BCR: variants seen among roughly 807,000 people sequenced by gnomAD.
The protein encoded by BCR is BCR activator of RhoGEF and GTPase.
In BCR, 58 loss-of-function variants were observed where a neutral mutation model predicts 138.6. The ratio of observed to expected loss-of-function variants is 0.42; its 90% CI spans 0.34 to 0.52. The LOEUF (loss-of-function observed/expected upper bound fraction) is 0.52. Ranked by LOEUF, BCR falls within the 20% of genes least tolerant of loss-of-function variation. BCR has a pLI of 0.06. For synonymous variants in BCR, 786 were observed against 730.1 expected (o/e 1.08, Z -1.23); for missense variants, 1,599 against 1,727.2 (o/e 0.93, Z 1.32).
At chr22:23,300,746 G>C (rs1406316493) in intron 16 of BCR, among the ~76,000 whole-genome samples, 1 of 152,184 alleles carries the variant, frequency 6.6e-6, no homozygotes, top group African/African-American at 2.4e-5. Context: ...AACCCAGGCT[G>C]GCAGAGAAGT....
chr22:23,280,478 C>A (rs2146296038), intron 8 of BCR, among the ~76,000 whole-genome samples: 1 of 152,336 alleles, frequency 6.6e-6, no homozygotes, highest in South Asian at 2.1e-4. Context: ...CTGTGACTGT[C>A]ACATTCCCAC....
chr22:23,241,154 C>T (rs2073085638), intron 1 of BCR, among the ~76,000 whole-genome samples: 1 of 152,220 alleles, frequency 6.6e-6, no homozygotes, highest in Non-Finnish European at 1.5e-5. Flanking sequence ...GAATGTGCAC[C>T]TCCTCTCCTA....
chr22:23,301,722 A>G lies in BCR; in HGVS notation c.3012+6567A>G, dbSNP rs116382534. 5.0e-3 allele frequency among the ~76,000 whole-genome samples: 760 copies of G among 152,266 alleles called. 5 individuals carry two copies. Among genetic ancestry groups the G allele is most frequent in the African/African-American group, 0.017 (718 of 41,550 alleles). ...CTTTCCAGCTTCTCTGATCTAGACC[A>G]TGAAGGCTGGGGAGAGGGGTCTTCT... On this transcript the variant is annotated intron_variant, in intron 16 of 22. Coordinates refer to ENST00000305877, the MANE Select transcript of BCR (RefSeq NM_004327.4).
intron 1 of BCR, among the ~76,000 whole-genome samples, chr22:23,193,365 C>G (rs1045333283): frequency 4.6e-5 from 7 of 152,246 alleles, no homozygotes; most frequent in Admixed American, 3.3e-4. Context: ...AGAGGGTGAC[C>G]CTTCCCCTTG....
intron 8 of BCR, among the ~76,000 whole-genome samples, chr22:23,278,589 T>C (rs2073606212): frequency 6.6e-6 from 1 of 152,068 alleles, no homozygotes. Context: ...TAGCCAGGCA[T>C]GGTGGCAGGT....
At chr22:23,297,784 A>G (rs73152664) in intron 16 of BCR, among the ~76,000 whole-genome samples, 18,482 of 152,176 alleles carry the variant, frequency 0.12, 1,408 homozygotes, top group African/African-American at 0.21. Flanking sequence ...TTGAACCAGG[A>G]CCTCTGAGTA....
At chr22:23,277,894 C>T (rs2073597851) in intron 8 of BCR, among the ~76,000 whole-genome samples, 1 of 152,194 alleles carries the variant, frequency 6.6e-6, no homozygotes, top group Non-Finnish European at 1.5e-5. Flanking sequence ...GGTGCTCCAG[C>T]TTCCTGGCAT....
At chr22:23,224,830 C>T (rs374913947) in intron 1 of BCR, among the ~76,000 whole-genome samples, 29 of 152,154 alleles carry the variant, frequency 1.9e-4, no homozygotes, top group South Asian at 1.9e-3. Flanking sequence ...TGCAGTAAGC[C>T]GAGATCACGC....
At chr22:23,313,344 C>A (rs1197480063) in intron 20 of BCR, among the ~76,000 whole-genome samples, 1 of 152,212 alleles carries the variant, frequency 6.6e-6, no homozygotes, top group African/African-American at 2.4e-5. Context: ...GGTGCTCTTG[C>A]CATGGGTCCT....
rs140545746 is a variant in BCR, at chr22:23,305,226, G to A, written c.3013-4198G>A. Among the ~76,000 whole-genome samples, 274 of 147,484 alleles carry A rather than the reference G, an allele frequency of 1.9e-3. 4 individuals carry two copies. Among genetic ancestry groups the A allele is most frequent in the African/African-American group, 6.6e-3 (258 of 39,240 alleles). ...TGGTGAACACAGAGGTTCTCTGGTG[G>A]TCTCAGCAAAGACCCACCCCCGGGA... On this transcript the variant is annotated intron_variant, in intron 16 of 22. Coordinates refer to ENST00000305877, the MANE Select transcript of BCR (RefSeq NM_004327.4).
chr22:23,275,896 G>A (rs1474169573), intron 8 of BCR, among the ~76,000 whole-genome samples: 2 of 152,186 alleles, frequency 1.3e-5, no homozygotes, highest in Non-Finnish European at 2.9e-5. Flanking sequence ...TGCAACTGCA[G>A]CTGCCATTTA....
intron 8 of BCR, among the ~76,000 whole-genome samples, chr22:23,277,062 C>A (rs1568969032): frequency 6.6e-6 from 1 of 152,208 alleles, no homozygotes; most frequent in South Asian, 2.1e-4. Flanking sequence ...ACGACACTAG[C>A]CAGGAAAGGG....
At chr22:23,279,896 G>T (rs1300656233) in intron 8 of BCR, among the ~76,000 whole-genome samples, 4 of 152,210 alleles carry the variant, frequency 2.6e-5, no homozygotes, top group Non-Finnish European at 4.4e-5. Context: ...TGGAGATCCG[G>T]CAGGGTGCCA....
At chr22:23,292,808 T>C (rs1251503483) in intron 15 of BCR, among the ~76,000 whole-genome samples, 170 bp downstream of exon 15, 2 of 152,214 alleles carry the variant, frequency 1.3e-5, no homozygotes, top group Non-Finnish European at 2.9e-5. Context: ...CAAGAGATTT[T>C]ATCTCCTTGT....
chr22:23,206,460 C>A (rs2072614949), intron 1 of BCR, among the ~76,000 whole-genome samples: 1 of 151,932 alleles, frequency 6.6e-6, no homozygotes, highest in East Asian at 1.9e-4. Flanking sequence ...ACCTGTAATC[C>A]CAGCTACTCG....
At chr22:23,266,512 C>G (rs2073443008) in intron 4 of BCR, among the ~76,000 whole-genome samples, 1 of 152,160 alleles carries the variant, frequency 6.6e-6, no homozygotes, top group East Asian at 1.9e-4. Flanking sequence ...GTCTCAGCCT[C>G]CCGAGTGGCT....
chr22:23,272,689 G>A (rs1568966617), intron 6 of BCR, among the ~76,000 whole-genome samples: 1 of 152,168 alleles, frequency 6.6e-6, no homozygotes, highest in African/African-American at 2.4e-5. Flanking sequence ...GATGGTAAGA[G>A]CAGCTAAGAG....
In BCR at chr22:23,248,522, T is replaced by G. The variant is rs114308664; in HGVS notation, c.1280-5277T>G. Among the ~76,000 whole-genome samples the G allele has an allele frequency of 5.6e-3, 854 of 152,202 alleles. 10 individuals are homozygous for G. Among genetic ancestry groups the G allele is most frequent in the African/African-American group, 0.02 (833 of 41,492 alleles). ...GGCTGACTGGGACCTAACCAGGCAT[T>G]ATTCTTTTCGCTATATTATTTTTAT... On this transcript the variant is annotated intron_variant, in intron 1 of 22. Coordinates refer to ENST00000305877, the MANE Select transcript of BCR (RefSeq NM_004327.4).
At chr22:23,301,175 G>A (rs761118285) in intron 16 of BCR, among the ~76,000 whole-genome samples, 25 of 152,256 alleles carry the variant, frequency 1.6e-4, no homozygotes, top group African/African-American at 5.5e-4. Flanking sequence ...GCGCGATGGC[G>A]CATGCCTGTA....
Sources: gnomAD v4.1 joint callset for allele counts (sites outside exome capture counted in the v4.1 genomes callset) on GRCh38, gnomAD v4.1.1 for gene constraint, MANE v1.5 for transcripts, NCBI Gene and HGNC (gene_info 2026-07-23, HGNC 2026-07-21) for gene names.